The following DPH7 variants were observed in gnomAD, a reference collection of about 807,000 sequenced individuals.
DPH7 encodes diphthine methyltransferase.
DPH7 carries 44 observed loss-of-function variants against 41.7 expected under a neutral mutation model. The ratio of observed to expected loss-of-function variants is 1.05; its 90% confidence interval spans 0.83 to 1.36. DPH7 has a LOEUF of 1.36. DPH7 is among the 40% of genes most tolerant of loss of function. The pLI, the probability that DPH7 is intolerant of heterozygous loss-of-function variation, is 0.00. For synonymous variants in DPH7, 275 were observed against 238.0 expected (o/e 1.16, Z -1.43); for missense variants, 629 against 577.5 (o/e 1.09, Z -0.91).
At chr9:137,560,855 CA>C (rs35798746) in intron 8 of DPH7, among the ~76,000 whole-genome samples, 30,267 of 123,200 alleles carry the variant, frequency 0.25, 3,404 homozygotes, top group Admixed American at 0.35. Flanking sequence ...GACTCTGTCT[CA>C]AAAAAAAAAA....
Position 137,578,914 on chromosome 9 carries a change from T to G in DPH7, c.-137A>C. 1 of 969,538 alleles carries G rather than the reference T, an allele frequency of 1.0e-6. No individual in the cohort carries two copies. Among genetic ancestry groups the G allele is most frequent in the Non-Finnish European group, 1.3e-6 (1 of 741,778 alleles). The allele number at this position is 969,538 out of a possible 1,614,324, so 60.1% of individuals were successfully genotyped here. On this transcript the variant is annotated 5_prime_UTR_variant, in exon 1 of 9. Transcript: ENST00000277540. Reference sequence around the variant, plus strand: ...AGGGACACCGTCAGCGCGGGCCGCCTCTCTCGCGACTCCTTCCGGGGTGCC... The same window carrying G: ...AGGGACACCGTCAGCGCGGGCCGCCGCTCTCGCGACTCCTTCCGGGGTGCC...
intron 8 of DPH7, 144 bp downstream of exon 8, chr9:137,564,290 G>C (rs1203678856): frequency 2.0e-6 from 2 of 994,600 alleles, no homozygotes; most frequent in African/African-American, 1.6e-5. Context: ...CAAGTCTAGG[G>C]CGCGACGCTG....
intron 3 of DPH7, chr9:137,575,821 T>G: frequency 7.8e-7 from 1 of 1,284,778 alleles, no homozygotes; most frequent in Non-Finnish European, 9.9e-7. Flanking sequence ...TAGAGAACTT[T>G]CAGATCCACT....
At position 137,571,427 on chromosome 9, in the gene DPH7, C is replaced by T. The variant is rs980836142; in HGVS notation, c.640+2781G>A. 5.9e-5 allele frequency among the ~76,000 whole-genome samples: 9 copies of T among 152,174 alleles called. No homozygotes were observed. The South Asian group carries it at 6.2e-4, about 11-fold the overall frequency. On this transcript the variant is annotated intron_variant, in intron 5 of 8. Transcript: ENST00000277540. ...GTCTTGATCTGCTGACCTCATGATC[C>T]GCCCATCTTGGCCTCCTAAAGTGCT... is the stretch of plus-strand genomic sequence containing the variant.
intron 8 of DPH7, among the ~76,000 whole-genome samples, chr9:137,559,316 A>G (rs1364349843): frequency 1.3e-5 from 2 of 152,210 alleles, no homozygotes; most frequent in East Asian, 1.9e-4. Context: ...TGACGCCAGC[A>G]TCTGGGAAGA....
rs182957040 is a variant in DPH7 at position 137,572,074 on chromosome 9, G to A, written c.640+2134C>T. Reference sequence around the variant, plus strand: ...AATGAGCAACACAAATAAGAACGCCGCCTTACACACGTGCTCGTCACTCGG... The same window carrying A: ...AATGAGCAACACAAATAAGAACGCCACCTTACACACGTGCTCGTCACTCGG... On this transcript the variant is annotated intron_variant, in intron 5 of 8. Transcript: ENST00000277540. Among the ~76,000 whole-genome samples the A allele has an allele frequency of 7.2e-5, 11 of 152,288 alleles. No homozygotes were observed. In the South Asian group the frequency reaches 1.2e-3, roughly 17 times the overall value.
chr9:137,561,067 C>T (rs1308566432), intron 8 of DPH7, among the ~76,000 whole-genome samples: 3 of 151,066 alleles, frequency 2.0e-5, no homozygotes, highest in Non-Finnish European at 2.9e-5. Flanking sequence ...ACCATTTTGC[C>T]ATTACCATAA....
intron 8 of DPH7, among the ~76,000 whole-genome samples, chr9:137,560,191 G>A (rs1361138541): frequency 1.3e-5 from 2 of 152,158 alleles, no homozygotes; most frequent in African/African-American, 4.8e-5. Flanking sequence ...AGGCTACAGA[G>A]AAAAGTATCA....
chr9:137,575,836 G>A, intron 3 of DPH7: 1 of 1,333,406 alleles, frequency 7.5e-7, no homozygotes, highest in Non-Finnish European at 9.7e-7. Flanking sequence ...TCCACTGACA[G>A]GTCAATGAAC....
At chr9:137,568,575 C>T (rs181354723) in intron 5 of DPH7, among the ~76,000 whole-genome samples, 3 of 151,712 alleles carry the variant, frequency 2.0e-5, no homozygotes, top group Non-Finnish European at 4.4e-5. Flanking sequence ...GGAAGCTCCC[C>T]GGGGTGACTC....
intron 1 of DPH7, 183 bp downstream of exon 1, chr9:137,578,430 TGCTGGGATTACA>T: frequency 1.7e-6 from 1 of 573,840 alleles, no homozygotes; most frequent in Non-Finnish European, 2.8e-6. Flanking sequence ...CCTCCCAAAG[TGCTGGGATTACA>T]GGCGTGAGCC....
At chr9:137,572,666 T>C (rs1840643428) in intron 5 of DPH7, among the ~76,000 whole-genome samples, 1 of 152,212 alleles carries the variant, frequency 6.6e-6, no homozygotes, top group Non-Finnish European at 1.5e-5. Context: ...TGCCATGAGT[T>C]ATCTCTACCT....
chr9:137,559,369 T>C (rs1163445176), intron 8 of DPH7, among the ~76,000 whole-genome samples: 1 of 151,928 alleles, frequency 6.6e-6, no homozygotes, highest in Non-Finnish European at 1.5e-5. Flanking sequence ...TAGCGAAAAA[T>C]GTGAAGGAAA....
intron 1 of DPH7, 125 bp from the exon 2 acceptor site, chr9:137,577,728 G>A (rs1841668866): frequency 4.2e-5 from 53 of 1,261,200 alleles, no homozygotes; most frequent in Non-Finnish European, 5.8e-5. Context: ...TGCCTGGAAG[G>A]AGAACCTCTG....
intron 1 of DPH7, chr9:137,578,212 T>C (rs1841773428): frequency 6.5e-6 from 1 of 154,254 alleles, no homozygotes; most frequent in Non-Finnish European, 1.4e-5. Flanking sequence ...TCGCCCAGGC[T>C]GGAATGCAGT....
chr9:137,560,643 A>T (rs941306873), intron 8 of DPH7, among the ~76,000 whole-genome samples: 3 of 152,154 alleles, frequency 2.0e-5, no homozygotes, highest in Non-Finnish European at 4.4e-5. Flanking sequence ...TCACGAGGTC[A>T]GGAGATCAAG....
At chr9:137,563,374 C>G (rs1211040701) in intron 8 of DPH7, among the ~76,000 whole-genome samples, 3 of 151,230 alleles carry the variant, frequency 2.0e-5, no homozygotes, top group Non-Finnish European at 4.4e-5. Flanking sequence ...TCTTCTAAAA[C>G]TATAAAAATC....
At chr9:137,561,300 A>C (rs933940456) in intron 8 of DPH7, among the ~76,000 whole-genome samples, 2 of 152,130 alleles carry the variant, frequency 1.3e-5, no homozygotes, top group Admixed American at 6.5e-5. Context: ...GGAACTAAGG[A>C]GGGCACAGCG....
intron 2 of DPH7, 112 bp downstream of exon 2, chr9:137,577,354 GAAAC>G (rs1841589142): frequency 1.8e-6 from 2 of 1,107,622 alleles, no homozygotes; most frequent in Admixed American, 2.0e-5. Context: ...GGACAGCAAA[GAAAC>G]AAATCCAAAG....
Sources: gnomAD v4.1 joint callset for allele counts (sites outside exome capture counted in the v4.1 genomes callset) on GRCh38, gnomAD v4.1.1 for gene constraint, MANE v1.5 for transcripts, NCBI Gene and HGNC (gene_info 2026-07-23, HGNC 2026-07-21) for gene names.